Variants in PHF24 observed in about 807,000 individuals in gnomAD.
PHF24 encodes PHD finger protein 24.
A neutral mutation model predicts 42.6 loss-of-function variants in PHF24; 25 were observed. That is an observed-to-expected ratio of 0.59 (90% CI 0.43 to 0.82). The LOEUF is 0.82. Ranked by LOEUF, PHF24 falls within the 40% of genes least tolerant of loss-of-function variation. The pLI is 0.00. For missense variants in PHF24, 470 were observed against 538.1 expected (o/e 0.87, Z 1.25); for synonymous variants, 185 against 204.8 (o/e 0.90, Z 0.83).
chr9:34,800,730 G>C, the PHF24 span, among the ~76,000 whole-genome samples: 1 of 152,098 alleles, frequency 6.6e-6, no homozygotes, highest in Non-Finnish European at 1.5e-5. Context: ...AGAAAACCTA[G>C]GCAATACCAT....
the PHF24 span, among the ~76,000 whole-genome samples, chr9:34,947,698 G>A: frequency 6.6e-6 from 1 of 152,100 alleles, no homozygotes; most frequent in African/African-American, 2.4e-5. Context: ...AAGATATGAA[G>A]GTGGAAGGCA....
chr9:34,890,356 C>T, the PHF24 span, among the ~76,000 whole-genome samples: 3 of 152,148 alleles, frequency 2.0e-5, no homozygotes, highest in Non-Finnish European at 4.4e-5. Flanking sequence ...AGGGACTTGT[C>T]CTCACTTTTG....
the PHF24 span, among the ~76,000 whole-genome samples, chr9:34,815,053 A>G: frequency 1.1e-4 from 16 of 152,274 alleles, no homozygotes; most frequent in African/African-American, 3.4e-4. Flanking sequence ...AATCACTACC[A>G]TTTGTTTTTC....
At chr9:34,811,357 G>A in the PHF24 span, among the ~76,000 whole-genome samples, 1 of 152,194 alleles carries the variant, frequency 6.6e-6, no homozygotes, top group Admixed American at 6.5e-5. Context: ...CCTAATAGGT[G>A]ATTAGGTCTT....
chr9:34,823,068 C>T, the PHF24 span, among the ~76,000 whole-genome samples: 4 of 151,382 alleles, frequency 2.6e-5, no homozygotes, highest in East Asian at 3.9e-4. Flanking sequence ...CGGTGGCGGG[C>T]GCCTGTAGTC....
chr9:34,972,417 C>T lies in PHF24; in HGVS notation c.450C>T (p.Cys150=), dbSNP rs1357937928. ...AGAGCCTCTTCCCGTGCAGGGTCTG[C>T]ACCAGGGTTTTCCATGATGGCTGCC... is the stretch of plus-strand genomic sequence containing the variant. Residue 150 remains cysteine, a synonymous_variant, in exon 3 of 8, where the codon TGC becomes TGT. Coordinates refer to ENST00000242315, the Ensembl canonical transcript of PHF24. 3 of 1,614,182 alleles carry T rather than the reference C, an allele frequency of 1.9e-6. No homozygotes were observed. The African/African-American group carries it at 4.0e-5, about 22-fold the overall frequency.
chr9:34,929,072 CAT>C, the PHF24 span, among the ~76,000 whole-genome samples: 1 of 152,144 alleles, frequency 6.6e-6, no homozygotes, highest in African/African-American at 2.4e-5. Context: ...CCATGTCAAA[CAT>C]AGAGCTTCTC....
the PHF24 span, among the ~76,000 whole-genome samples, chr9:34,885,726 G>A: frequency 6.6e-6 from 1 of 151,990 alleles, no homozygotes; most frequent in Non-Finnish European, 1.5e-5. Context: ...TCTTGCTCAG[G>A]CTCCATGCAT....
At chr9:34,779,632 T>C in the PHF24 span, among the ~76,000 whole-genome samples, 1 of 152,204 alleles carries the variant, frequency 6.6e-6, no homozygotes, top group Non-Finnish European at 1.5e-5. Context: ...TCTACAGAAA[T>C]CAAAATATTG....
the PHF24 span, chr9:34,724,535 A>G: frequency 1.9e-6 from 3 of 1,550,038 alleles, no homozygotes; most frequent in South Asian, 3.6e-5. Flanking sequence ...TCCCCATTGT[A>G]TCTCTAGGAC....
the PHF24 span, chr9:34,894,322 C>T: frequency 2.5e-6 from 1 of 396,418 alleles, no homozygotes; most frequent in Admixed American, 4.4e-5. Flanking sequence ...GAACCAGCCT[C>T]CACTGTGTAT....
the PHF24 span, among the ~76,000 whole-genome samples, chr9:34,776,823 G>C: frequency 4.6e-5 from 7 of 152,116 alleles, no homozygotes; most frequent in African/African-American, 1.4e-4. Context: ...AACACAATTG[G>C]GACAACACAA....
chr9:34,723,756 A>G, the PHF24 span: 2 of 1,551,708 alleles, frequency 1.3e-6, no homozygotes, highest in Admixed American at 2.0e-5. Context: ...GCCTGGGGCA[A>G]CACAGTCTGG....
the PHF24 span, chr9:34,729,222 G>C: frequency 2.0e-6 from 3 of 1,500,334 alleles, no homozygotes; most frequent in Non-Finnish European, 2.7e-6. Flanking sequence ...AAGGGAGCAC[G>C]GTAAGAACTT....
the PHF24 span, chr9:34,922,136 T>C: frequency 6.8e-7 from 1 of 1,474,736 alleles, no homozygotes; most frequent in Non-Finnish European, 9.4e-7. Context: ...TGACAAATGG[T>C]CTACTGTGTA....
At chr9:34,779,762 G>C in the PHF24 span, among the ~76,000 whole-genome samples, 1 of 152,196 alleles carries the variant, frequency 6.6e-6, no homozygotes. Flanking sequence ...TTTCACTCTT[G>C]TCGCCCAGGC....
At chr9:34,895,320 T>TTAGGATGAGA in the PHF24 span, among the ~76,000 whole-genome samples, 1 of 152,168 alleles carries the variant, frequency 6.6e-6, no homozygotes, top group Admixed American at 6.5e-5. Flanking sequence ...TTTCATAAGT[T>TTAGGATGAGA]CGGTGGGGAC....
At chr9:34,838,327 T>C in the PHF24 span, 8 of 750,544 alleles carry the variant, frequency 1.1e-5, no homozygotes, top group African/African-American at 5.2e-5. Flanking sequence ...ATTAGTTCAG[T>C]TGGAATCATA....
chr9:34,972,555 CA>C, intron 3 of PHF24, 24 bp downstream of exon 3: 2 of 1,566,736 alleles, frequency 1.3e-6, no homozygotes, highest in Admixed American at 3.7e-5. Context: ...GCAGGGACAG[CA>C]GAGGACTTGG....
Sources: allele counts gnomAD v4.1 joint callset (sites outside exome capture counted in the v4.1 genomes callset), GRCh38; gene constraint gnomAD v4.1.1; transcripts MANE v1.5; gene names NCBI Gene and HGNC (gene_info 2026-07-23, HGNC 2026-07-21).